Variants in OR6N1 observed in about 807,000 individuals in gnomAD.
OR6N1 encodes olfactory receptor 6N1.
For synonymous variants in OR6N1, 170 were observed against 150.7 expected, an observed-to-expected ratio of 1.13 and a Z score of -0.94; for missense variants, 394 against 371.7, an observed-to-expected ratio of 1.06 and a Z score of -0.49.
the OR6N1 span, among the ~76,000 whole-genome samples, chr1:158,807,636 G>A: frequency 3.2e-4 from 49 of 152,176 alleles, no homozygotes; most frequent in African/African-American, 8.2e-4. Flanking sequence ...CTCATGGTGC[G>A]CTGATCTACA....
At position 158,766,758 on chromosome 1, in the gene OR6N1, A is replaced by C. The variant is rs551424750; in HGVS notation, c.-18-58T>G. 1.4e-4 allele frequency: 150 copies of C among 1,069,710 alleles called. No individual in the cohort carries two copies. The African/African-American group carries it at 2.1e-3, about 15-fold the overall frequency. The allele number at this position is 1,069,710 out of a possible 1,614,324, so 66.3% of individuals were successfully genotyped here. A position where few individuals can be genotyped will look rare whatever the true frequency, so the allele number is the denominator to read the frequency against. On this transcript the variant is annotated intron_variant, in intron 1 of 1. Transcript: ENST00000641846. ...AGTTGAACTATAGGGTTCTAACAAG[A>C]AGGCAACCCTCAAATTACTATTGCC...
At chr1:158,784,399 A>G in the OR6N1 span, among the ~76,000 whole-genome samples, 1 of 152,076 alleles carries the variant, frequency 6.6e-6, no homozygotes, top group African/African-American at 2.4e-5. Context: ...TTCTCCTCAT[A>G]TTTGTAACAT....
chr1:158,773,278 T>G (rs1657468440), upstream of OR6N1, among the ~76,000 whole-genome samples: 2 of 152,212 alleles, frequency 1.3e-5, no homozygotes, highest in African/African-American at 4.8e-5. Flanking sequence ...TATTTTGTTT[T>G]TTGACTAGTA....
the OR6N1 span, among the ~76,000 whole-genome samples, chr1:158,786,114 G>A: frequency 7.2e-5 from 11 of 152,014 alleles, no homozygotes; most frequent in African/African-American, 2.2e-4. Context: ...TGCATCCAAC[G>A]AAAGACTAAT....
chr1:158,812,598 A>G, the OR6N1 span, among the ~76,000 whole-genome samples: 1 of 152,240 alleles, frequency 6.6e-6, no homozygotes, highest in South Asian at 2.1e-4. Flanking sequence ...AAGTGTCAAC[A>G]TTTCATAATA....
chr1:158,795,154 A>G, the OR6N1 span, among the ~76,000 whole-genome samples: 1 of 152,160 alleles, frequency 6.6e-6, no homozygotes, highest in African/African-American at 2.4e-5. Context: ...TCTGCTGCAC[A>G]AAAGACTCCA....
the OR6N1 span, among the ~76,000 whole-genome samples, chr1:158,783,770 C>T: frequency 6.4e-3 from 971 of 152,202 alleles, 12 homozygotes; most frequent in African/African-American, 0.022. Flanking sequence ...TTTCTTTGCA[C>T]AAAGTAGGTA....
chr1:158,766,549 A>G lies in OR6N1; in HGVS notation c.134T>C (p.Ile45Thr). 1 of 1,614,164 alleles carries G rather than the reference A, an allele frequency of 6.2e-7. No individual in the cohort carries two copies. The highest frequency in any genetic ancestry group is 1.1e-5 in the South Asian group (1 of 91,078). The change falls in exon 2 of 2, where the codon ATA becomes ACA. Residue 45 changes from isoleucine (I) to threonine (T), a missense_variant. Ile to Thr is a moderately conservative substitution (Grantham distance 89). Coordinates refer to ENST00000641846, the MANE Select transcript of OR6N1 (RefSeq NM_001005185.2). Reference sequence around the variant, plus strand: ...GGAGTCCAGGCAGACCACCAGGAATATCAGCAGGTTTCCCAACACAGTCAT... The same window carrying G: ...GGAGTCCAGGCAGACCACCAGGAATGTCAGCAGGTTTCCCAACACAGTCAT... ...YLMTVLGNLL[I>T]FLVVCLDSRL...
chr1:158,779,891 G>T, the OR6N1 span, among the ~76,000 whole-genome samples: 3 of 152,210 alleles, frequency 2.0e-5, no homozygotes, highest in South Asian at 6.2e-4. Flanking sequence ...TAACAAGTCT[G>T]TCTTCCCCAA....
At chr1:158,839,875 T>G in the OR6N1 span, among the ~76,000 whole-genome samples, 1 of 152,324 alleles carries the variant, frequency 6.6e-6, no homozygotes, top group Admixed American at 6.5e-5. Context: ...GTCTGGAACG[T>G]CCTTGTCTGC....
the OR6N1 span, among the ~76,000 whole-genome samples, chr1:158,813,598 G>A: frequency 6.6e-6 from 1 of 151,952 alleles, no homozygotes; most frequent in African/African-American, 2.4e-5. Flanking sequence ...GGCTGGCAAG[G>A]GGAAGAAAGG....
chr1:158,787,635 T>TCACACA, the OR6N1 span, among the ~76,000 whole-genome samples: 44 of 134,316 alleles, frequency 3.3e-4, no homozygotes, highest in African/African-American at 8.6e-4. Context: ...TCTCTCTCTC[T>TCACACA]CACACACACA....
At chr1:158,812,636 A>G in the OR6N1 span, among the ~76,000 whole-genome samples, 2 of 152,364 alleles carry the variant, frequency 1.3e-5, no homozygotes, top group Non-Finnish European at 2.9e-5. Context: ...AAAAGCCTAC[A>G]TTATGAGAAA....
chr1:158,836,455 A>C, the OR6N1 span, among the ~76,000 whole-genome samples: 1 of 151,922 alleles, frequency 6.6e-6, no homozygotes, highest in Non-Finnish European at 1.5e-5. Context: ...CAAAATTTGC[A>C]GGTTGTATGT....
the OR6N1 span, among the ~76,000 whole-genome samples, chr1:158,837,823 A>AT: frequency 2.1e-5 from 3 of 140,852 alleles, no homozygotes; most frequent in Admixed American, 2.1e-4. Flanking sequence ...CTTTTTGTTG[A>AT]TTTTTTTCTG....
chr1:158,820,770 G>C, the OR6N1 span, among the ~76,000 whole-genome samples: 1 of 152,160 alleles, frequency 6.6e-6, no homozygotes, highest in South Asian at 2.1e-4. Context: ...CTTCCCTAGA[G>C]TCAATTCTCT....
the OR6N1 span, among the ~76,000 whole-genome samples, chr1:158,785,941 C>T: frequency 6.6e-6 from 1 of 151,934 alleles, no homozygotes; most frequent in Non-Finnish European, 1.5e-5. Context: ...ATGTTGTCCC[C>T]TCTAAATCTC....
the OR6N1 span, among the ~76,000 whole-genome samples, chr1:158,797,221 C>A: frequency 6.6e-6 from 1 of 152,168 alleles, no homozygotes; most frequent in African/African-American, 2.4e-5. Context: ...TACTTGTGCA[C>A]CTTTCTGTGT....
At chr1:158,818,745 G>A in the OR6N1 span, among the ~76,000 whole-genome samples, 1 of 152,138 alleles carries the variant, frequency 6.6e-6, no homozygotes, top group South Asian at 2.1e-4. Flanking sequence ...TGAGGCAGTT[G>A]CATTGAACTT....
Sources: gnomAD v4.1 joint callset for allele counts (sites outside exome capture counted in the v4.1 genomes callset) on GRCh38, gnomAD v4.1.1 for gene constraint, MANE v1.5 for transcripts, NCBI Gene and HGNC (gene_info 2026-07-23, HGNC 2026-07-21) for gene names.